Variants in PRKG1 observed in about 807,000 individuals in gnomAD.
PRKG1 encodes cGMP-dependent protein kinase 1.
PRKG1 carries 35 observed loss-of-function variants against 88.1 expected under a neutral mutation model. That is an observed-to-expected ratio of 0.40 (90% CI 0.30 to 0.53). PRKG1 has a LOEUF of 0.53. Among genes scored for constraint, PRKG1 ranks in the 20% least tolerant of loss-of-function variants. The probability of loss-of-function intolerance (pLI) is 0.59; values close to 1 mark genes in which losing one functional copy is unlikely to be tolerated. For missense variants in PRKG1, 540 were observed against 839.8 expected (o/e 0.64, Z 4.41); for synonymous variants, 303 against 292.5 (o/e 1.04, Z -0.37).
chr10:52,005,089 G>A (rs1207496384), intron 5 of PRKG1, among the ~76,000 whole-genome samples: 1 of 152,070 alleles, frequency 6.6e-6, no homozygotes, highest in Admixed American at 6.6e-5. Flanking sequence ...TGATAGGCAA[G>A]CTCTCTATAA....
intron 3 of PRKG1, among the ~76,000 whole-genome samples, chr10:51,747,587 T>C (rs1254474776): frequency 6.6e-6 from 1 of 152,234 alleles, no homozygotes; most frequent in Non-Finnish European, 1.5e-5. Flanking sequence ...AAAACTTCAA[T>C]AGATTACTGA....
At chr10:51,670,978 A>G (rs1356172271) in intron 3 of PRKG1, among the ~76,000 whole-genome samples, 2 of 151,856 alleles carry the variant, frequency 1.3e-5, no homozygotes, top group African/African-American at 4.8e-5. Context: ...TGTTCTATGC[A>G]ATGTTTGCTT....
chr10:51,918,734 G>A (rs1842398293), intron 5 of PRKG1, among the ~76,000 whole-genome samples: 1 of 152,150 alleles, frequency 6.6e-6, no homozygotes, highest in Non-Finnish European at 1.5e-5. Context: ...CTTACAAAAT[G>A]CCATTTGATA....
intron 4 of PRKG1, among the ~76,000 whole-genome samples, chr10:51,902,623 A>G (rs1483071642): frequency 6.6e-6 from 1 of 152,164 alleles, no homozygotes; most frequent in African/African-American, 2.4e-5. Context: ...GGATGATGAT[A>G]ATAAGGTTAC....
At chr10:51,613,176 T>C (rs1485589262) in intron 3 of PRKG1, among the ~76,000 whole-genome samples, 1 of 151,990 alleles carries the variant, frequency 6.6e-6, no homozygotes, top group East Asian at 1.9e-4. Flanking sequence ...GAAAACTTTT[T>C]ATTACTGATT....
chr10:51,819,586 T>C (rs1839689804), intron 4 of PRKG1, among the ~76,000 whole-genome samples: 3 of 152,186 alleles, frequency 2.0e-5, no homozygotes. Flanking sequence ...GTTTGATCTC[T>C]ACAGAGTTAG....
chr10:51,857,143 A>G (rs113261165), intron 4 of PRKG1, among the ~76,000 whole-genome samples: 5 of 152,060 alleles, frequency 3.3e-5, no homozygotes, highest in African/African-American at 1.2e-4. Context: ...TTCACATTTC[A>G]TTTGATTATT....
intron 3 of PRKG1, among the ~76,000 whole-genome samples, chr10:51,692,560 A>G (rs1165624055): frequency 6.6e-6 from 1 of 152,124 alleles, no homozygotes; most frequent in Admixed American, 6.5e-5. Flanking sequence ...ACCATTTTCC[A>G]ATGTTGGCAC....
intron 5 of PRKG1, among the ~76,000 whole-genome samples, chr10:51,963,619 T>C (rs955980256): frequency 6.6e-6 from 1 of 151,964 alleles, no homozygotes; most frequent in Non-Finnish European, 1.5e-5. Flanking sequence ...GGCTAATTTT[T>C]GTATTTTTAG....
chr10:51,643,659 C>T (rs992116638), intron 3 of PRKG1, among the ~76,000 whole-genome samples: 1 of 152,260 alleles, frequency 6.6e-6, no homozygotes, highest in African/African-American at 2.4e-5. Flanking sequence ...TTAATAAAAG[C>T]TTTCTTTGGT....
intron 4 of PRKG1, among the ~76,000 whole-genome samples, chr10:51,854,588 C>T (rs890852110): frequency 3.3e-5 from 5 of 151,832 alleles, no homozygotes; most frequent in East Asian, 1.9e-4. Context: ...AAGACAACCT[C>T]GTTATAAAGT....
At chr10:51,937,345 T>C (rs531603820) in intron 5 of PRKG1, among the ~76,000 whole-genome samples, 1 of 151,906 alleles carries the variant, frequency 6.6e-6, no homozygotes, top group African/African-American at 2.4e-5. Context: ...AATATGAATC[T>C]GACTCTCTCT....
intron 3 of PRKG1, among the ~76,000 whole-genome samples, chr10:51,573,844 G>C (rs10998258): frequency 0.074 from 11,195 of 151,886 alleles, 1,381 homozygotes; most frequent in African/African-American, 0.25. Flanking sequence ...GAAATTGTTT[G>C]TATATAAGCA....
intron 3 of PRKG1, among the ~76,000 whole-genome samples, chr10:51,476,810 G>C (rs1840207867): frequency 6.6e-6 from 1 of 151,946 alleles, no homozygotes; most frequent in Non-Finnish European, 1.5e-5. Flanking sequence ...TTTGAGTTCA[G>C]GTCAGGTAAA....
chr10:51,516,797 C>G (rs1166797012), intron 3 of PRKG1, among the ~76,000 whole-genome samples: 1 of 152,058 alleles, frequency 6.6e-6, no homozygotes, highest in Non-Finnish European at 1.5e-5. Flanking sequence ...CAGTGCCCTT[C>G]CAAGCACTGG....
intron 1 of PRKG1, among the ~76,000 whole-genome samples, chr10:51,039,236 C>G (rs1447878149): frequency 6.6e-6 from 1 of 152,152 alleles, no homozygotes; most frequent in Non-Finnish European, 1.5e-5. Flanking sequence ...CACATTCTTG[C>G]CAGCATTTGT....
intron 4 of PRKG1, among the ~76,000 whole-genome samples, chr10:51,831,756 A>G (rs1419238380): frequency 6.6e-6 from 1 of 152,166 alleles, no homozygotes; most frequent in Non-Finnish European, 1.5e-5. Context: ...CGGCCCTTAA[A>G]AGAGGCTTTC....
chr10:51,174,857 T>C (rs1210367184), intron 2 of PRKG1, among the ~76,000 whole-genome samples: 1 of 152,052 alleles, frequency 6.6e-6, no homozygotes, highest in East Asian at 1.9e-4. Flanking sequence ...ACCTTTGAAG[T>C]TGCAACTGAC....
At chr10:52,170,849 G>A (rs775083545) in intron 9 of PRKG1, among the ~76,000 whole-genome samples, 1 of 147,080 alleles carries the variant, frequency 6.8e-6, no homozygotes, top group Non-Finnish European at 1.5e-5. Flanking sequence ...TTTAGTAACT[G>A]ATTCTGCCTG....
Sources: allele counts gnomAD v4.1 joint callset (sites outside exome capture counted in the v4.1 genomes callset), GRCh38; gene constraint gnomAD v4.1.1; transcripts MANE v1.5; gene names NCBI Gene and HGNC (gene_info 2026-07-23, HGNC 2026-07-21).